The following GALNTL6 variants were observed in gnomAD, a reference collection of about 807,000 sequenced individuals.
GALNTL6 encodes polypeptide N-acetylgalactosaminyltransferase like 6.
In GALNTL6, 46 loss-of-function variants were observed where a neutral mutation model predicts 73.7. That is an observed-to-expected ratio of 0.62 (90% confidence interval 0.49 to 0.80). The LOEUF (loss-of-function observed/expected upper bound fraction) is 0.80, where lower values mean the gene tolerates loss of function less well. GALNTL6 is among the 30% of genes least tolerant of loss of function. The pLI, the probability that GALNTL6 is intolerant of heterozygous loss-of-function variation, is 0.00. For missense variants in GALNTL6, 604 were observed against 755.0 expected, an observed-to-expected ratio of 0.80 and a Z score of 2.34; for synonymous variants, 259 against 263.7, an observed-to-expected ratio of 0.98 and a Z score of 0.17.
chr4:172,442,203 A>G (rs1215292981), intron 5 of GALNTL6, among the ~76,000 whole-genome samples: 1 of 152,164 alleles, frequency 6.6e-6, no homozygotes, highest in Non-Finnish European at 1.5e-5. Flanking sequence ...CAGTGTTGAC[A>G]GCAACTTTGT....
intron 5 of GALNTL6, among the ~76,000 whole-genome samples, chr4:172,388,017 A>G (rs1579023959): frequency 6.6e-6 from 1 of 152,294 alleles, no homozygotes; most frequent in African/African-American, 2.4e-5. Flanking sequence ...ATCACAAAGT[A>G]TAGTTACTCA....
chr4:172,332,788 T>A (rs1425958157), intron 4 of GALNTL6, among the ~76,000 whole-genome samples: 1 of 152,216 alleles, frequency 6.6e-6, no homozygotes, highest in African/African-American at 2.4e-5. Context: ...CTTTTTCATA[T>A]GTTGATTTCT....
intron 2 of GALNTL6, among the ~76,000 whole-genome samples, chr4:172,057,196 C>T (rs1731040889): frequency 6.6e-6 from 1 of 151,888 alleles, no homozygotes. Flanking sequence ...TATCTTGAGC[C>T]CAGCAGTTCG....
chr4:172,164,338 T>C (rs1339369102), intron 2 of GALNTL6, among the ~76,000 whole-genome samples: 1 of 151,980 alleles, frequency 6.6e-6, no homozygotes, highest in African/African-American at 2.4e-5. Flanking sequence ...AATCAAAATA[T>C]TTATAGGACT....
At chr4:172,052,503 A>T (rs755758474) in intron 2 of GALNTL6, 19 of 1,535,156 alleles carry the variant, frequency 1.2e-5, no homozygotes, top group Non-Finnish European at 1.5e-5. Flanking sequence ...ATTAGTGCAG[A>T]CCACGGAGTG....
rs557713488 is a variant in GALNTL6 at position 172,597,260 on chromosome 4, A to G, written c.554-212101A>G. ...CTCAGTTCTCTGCACGCCCTATTCT[A>G]CTGTCTTTATTATAACATGATTACT... On this transcript the variant is annotated intron_variant, in intron 5 of 12. Coordinates refer to ENST00000506823, the MANE Select transcript of GALNTL6 (RefSeq NM_001034845.3). Among the ~76,000 whole-genome samples, 8 of 152,300 alleles carry G rather than the reference A, an allele frequency of 5.3e-5. No individual in the cohort carries two copies. In the South Asian group the frequency reaches 1.2e-3, roughly 24 times the overall value.
intron 3 of GALNTL6, among the ~76,000 whole-genome samples, chr4:172,293,441 A>C (rs1739541668): frequency 6.7e-5 from 1 of 14,940 alleles, no homozygotes; most frequent in Non-Finnish European, 5.7e-3. Context: ...GACTCAATAC[A>C]ATGAAAAACC....
intron 2 of GALNTL6, among the ~76,000 whole-genome samples, chr4:172,160,306 A>G (rs1734413395): frequency 6.6e-6 from 1 of 151,992 alleles, no homozygotes; most frequent in Non-Finnish European, 1.5e-5. Context: ...CCAAAAGAAA[A>G]TCAAGAAAAT....
intron 2 of GALNTL6, among the ~76,000 whole-genome samples, chr4:172,026,193 A>G (rs560846191): frequency 4.1e-5 from 6 of 147,266 alleles, no homozygotes; most frequent in African/African-American, 1.2e-4. Flanking sequence ...ACAATATTGC[A>G]TTTGTTTCAA....
chr4:172,658,470 A>T (rs1280221685), intron 5 of GALNTL6, among the ~76,000 whole-genome samples: 2 of 151,386 alleles, frequency 1.3e-5, no homozygotes, highest in Non-Finnish European at 3.0e-5. Flanking sequence ...CCGTCTCAAA[A>T]AAAAAAAAAA....
intron 2 of GALNTL6, among the ~76,000 whole-genome samples, chr4:171,883,451 T>G (rs781612971): frequency 2.6e-5 from 4 of 152,136 alleles, no homozygotes; most frequent in Non-Finnish European, 4.4e-5. Flanking sequence ...TGTCTCCCCA[T>G]GCATCAGCCT....
rs569826095 is a variant in GALNTL6 at position 172,723,442 on chromosome 4, A to G, written c.554-85919A>G. Among the ~76,000 whole-genome samples, 141 of 152,318 alleles carry G rather than the reference A, an allele frequency of 9.3e-4. 2 individuals carry two copies. The highest frequency in any genetic ancestry group is 2.9e-4 in the Non-Finnish European group (20 of 68,018). ...TTTCCTCATCTAATCATAGGAAATT[A>G]TAATATGGGATCTAAGATCTTGTGG... On this transcript the variant is annotated intron_variant, in intron 5 of 12. Transcript: ENST00000506823.
chr4:172,083,341 C>G (rs552114171), intron 2 of GALNTL6, among the ~76,000 whole-genome samples: 1 of 152,274 alleles, frequency 6.6e-6, no homozygotes, highest in Admixed American at 6.5e-5. Flanking sequence ...ATGCACAAAA[C>G]ACTCCATTTA....
chr4:172,584,458 A>G (rs569733223), intron 5 of GALNTL6, among the ~76,000 whole-genome samples: 5 of 152,330 alleles, frequency 3.3e-5, no homozygotes, highest in South Asian at 4.1e-4. Flanking sequence ...GTCAGGTGAC[A>G]TTGATTGGAA....
intron 7 of GALNTL6, among the ~76,000 whole-genome samples, chr4:172,823,810 A>C (rs2111030934): frequency 6.6e-6 from 1 of 152,350 alleles, no homozygotes; most frequent in Admixed American, 6.5e-5. Flanking sequence ...CCATGAATGA[A>C]AATTAAAATC....
chr4:171,977,305 AG>A (rs1309030327), intron 2 of GALNTL6, among the ~76,000 whole-genome samples: 2 of 152,228 alleles, frequency 1.3e-5, no homozygotes, highest in African/African-American at 4.8e-5. Flanking sequence ...TTACCCTGAA[AG>A]TATAAATGTT....
At chr4:172,417,656 AT>A (rs1260243754) in intron 5 of GALNTL6, among the ~76,000 whole-genome samples, 5 of 152,212 alleles carry the variant, frequency 3.3e-5, no homozygotes, top group Admixed American at 1.3e-4. Flanking sequence ...CTCAAAAAAA[AT>A]AATAAAAAAA....
At chr4:172,498,671 G>A (rs1014484012) in intron 5 of GALNTL6, among the ~76,000 whole-genome samples, 4 of 152,084 alleles carry the variant, frequency 2.6e-5, no homozygotes, top group Non-Finnish European at 4.4e-5. Context: ...AAGTGCAGAT[G>A]AGAATCACAT....
rs150504385 is a variant in GALNTL6, at chr4:172,554,710, A to G, written c.553+206021A>G. On this transcript the variant is annotated intron_variant, in intron 5 of 12. Coordinates refer to ENST00000506823, the MANE Select transcript of GALNTL6 (RefSeq NM_001034845.3). Reference sequence around the variant, plus strand: ...GCATCTTTTCCTCAACATTGTGGTTATAAGAGTCATCCGTATCACTGGGTG... The same window carrying G: ...GCATCTTTTCCTCAACATTGTGGTTGTAAGAGTCATCCGTATCACTGGGTG... 9.1e-4 allele frequency among the ~76,000 whole-genome samples: 138 copies of G among 152,296 alleles called. 1 individual carries two copies. In the East Asian group the frequency reaches 0.026, roughly 28 times the overall value.
Sources: allele counts gnomAD v4.1 joint callset (sites outside exome capture counted in the v4.1 genomes callset), GRCh38; gene constraint gnomAD v4.1.1; transcripts MANE v1.5; gene names NCBI Gene and HGNC (gene_info 2026-07-23, HGNC 2026-07-21).